Variants in FAM227B observed in about 807,000 individuals in gnomAD.
The protein encoded by FAM227B is family with sequence similarity 227 member B.
A neutral mutation model predicts 73.8 loss-of-function variants in FAM227B; 88 were observed. The observed-to-expected ratio is 1.19, with a 90% CI of 1.00 to 1.42. The LOEUF (loss-of-function observed/expected upper bound fraction) is 1.42, where lower values mean the gene tolerates loss of function less well. Among genes scored for constraint, FAM227B ranks in the 40% most tolerant of loss-of-function variants. The pLI, the probability that FAM227B is intolerant of heterozygous loss-of-function variation, is 0.00. For synonymous variants in FAM227B, 210 were observed against 190.5 expected, an observed-to-expected ratio of 1.10 and a Z score of -0.84; for missense variants, 632 against 590.9, an observed-to-expected ratio of 1.07 and a Z score of -0.72.
intron 8 of FAM227B, among the ~76,000 whole-genome samples, chr15:49,568,934 GA>G (rs1285519566): frequency 6.6e-6 from 1 of 151,896 alleles, no homozygotes; most frequent in African/African-American, 2.4e-5. Flanking sequence ...TCAACTTTTT[GA>G]AAGAGTTTCA....
intron 9 of FAM227B, among the ~76,000 whole-genome samples, chr15:49,546,735 G>A (rs544250203): frequency 0.011 from 1,227 of 108,498 alleles, 6 homozygotes; most frequent in Non-Finnish European, 0.018. Flanking sequence ...AAGTTTAGAG[G>A]AAAAAGAATA....
chr15:49,331,507 T>C, intron 15 of FAM227B: 1 of 383,692 alleles, frequency 2.6e-6, no homozygotes, highest in Non-Finnish European at 4.7e-6. Context: ...CAGTGATTAT[T>C]AGTTTGTAAT....
At chr15:49,356,490 CCATTA>C (rs2043193364) in intron 13 of FAM227B, among the ~76,000 whole-genome samples, 1 of 148,324 alleles carries the variant, frequency 6.7e-6, no homozygotes, top group African/African-American at 2.5e-5. Context: ...ACAAAGAAGG[CCATTA>C]CATAATGGTA....
chr15:49,603,199 T>C (rs971405856), intron 3 of FAM227B, among the ~76,000 whole-genome samples: 1 of 152,202 alleles, frequency 6.6e-6, no homozygotes, highest in African/African-American at 2.4e-5. Context: ...GGTATTTTGA[T>C]AGGGATTGCA....
intron 11 of FAM227B, among the ~76,000 whole-genome samples, chr15:49,441,850 GT>G (rs1177345231): frequency 4.0e-5 from 6 of 151,140 alleles, no homozygotes; most frequent in Non-Finnish European, 1.5e-5. Context: ...TGCATACAGT[GT>G]TTCTCAGTGG....
intron 14 of FAM227B, among the ~76,000 whole-genome samples, chr15:49,334,751 C>T (rs1328485446): frequency 6.6e-6 from 1 of 152,108 alleles, no homozygotes; most frequent in Non-Finnish European, 1.5e-5. Context: ...GCTCCTTGGA[C>T]AGCAGGAGGC....
rs374346862 is a variant in FAM227B, at chr15:49,346,313, G to A, written c.1272-10817C>T. Among the ~76,000 whole-genome samples, 23 of 152,258 alleles carry A rather than the reference G, an allele frequency of 1.5e-4. No individual in the cohort carries two copies. The East Asian group carries it at 4.3e-3, about 28-fold the overall frequency. ...CTCTACCCTCAGGTTGTGCTAACAC[G>A]ATTTTCTATACATATGTCCTACAAA... On this transcript the variant is annotated intron_variant, in intron 13 of 15. Coordinates refer to ENST00000299338, the MANE Select transcript of FAM227B (RefSeq NM_152647.3).
At chr15:49,582,988 G>A (rs1355818936) in intron 5 of FAM227B, among the ~76,000 whole-genome samples, 1 of 151,994 alleles carries the variant, frequency 6.6e-6, no homozygotes, top group Non-Finnish European at 1.5e-5. Flanking sequence ...GTGTTAAGAG[G>A]GAAATTTATA....
At chr15:49,554,475 G>A (rs536799882) in intron 9 of FAM227B, among the ~76,000 whole-genome samples, 13 of 152,278 alleles carry the variant, frequency 8.5e-5, no homozygotes, top group East Asian at 1.9e-4. Context: ...AGTTCTGACC[G>A]CTGGGATCCA....
At chr15:49,366,476 G>A (rs1158143925) in intron 13 of FAM227B, 2 of 1,092,752 alleles carry the variant, frequency 1.8e-6, no homozygotes, top group Non-Finnish European at 2.8e-6. Flanking sequence ...GCATAGTGGT[G>A]CGGAAGTCAG....
At chr15:49,608,999 T>C (rs1461606015) in intron 3 of FAM227B, among the ~76,000 whole-genome samples, 1 of 151,950 alleles carries the variant, frequency 6.6e-6, no homozygotes, top group African/African-American at 2.4e-5. Context: ...GGGAAGATAA[T>C]GTAGATTCCT....
At chr15:49,454,207 A>G (rs911188137) in intron 11 of FAM227B, among the ~76,000 whole-genome samples, 4 of 152,212 alleles carry the variant, frequency 2.6e-5, no homozygotes, top group Non-Finnish European at 5.9e-5. Flanking sequence ...CATCAGAAAT[A>G]CAGACTAAAT....
intron 11 of FAM227B, among the ~76,000 whole-genome samples, chr15:49,465,801 C>T (rs118078763): frequency 0.014 from 2,189 of 152,146 alleles, 23 homozygotes; most frequent in Non-Finnish European, 0.021. Flanking sequence ...CTTAGTTTTT[C>T]GACATTTAGT....
rs12440314 is a variant in FAM227B at position 49,385,742 on chromosome 15, C to G, written c.1013-14343G>C. Among the ~76,000 whole-genome samples the G allele has an allele frequency of 2.0e-5, 3 of 151,634 alleles. No homozygotes were observed. The East Asian group carries it at 5.8e-4, about 29-fold the overall frequency. The stretch of plus-strand genomic sequence containing the variant: ...GATAAAAAAATCACAATAGAAATAT[C>G]TACTTCAAGAGACTCACCTAACATG... On this transcript the variant is annotated intron_variant, in intron 11 of 15. Transcript: ENST00000299338.
chr15:49,464,819 C>T (rs1270495462), intron 11 of FAM227B, among the ~76,000 whole-genome samples: 1 of 152,128 alleles, frequency 6.6e-6, no homozygotes, highest in East Asian at 1.9e-4. Flanking sequence ...ATGCCATTCT[C>T]CTTGCTTAGC....
At position 49,374,282 on chromosome 15, in the gene FAM227B, A is replaced by C. The variant is rs137937067; in HGVS notation, c.1013-2883T>G. On this transcript the variant is annotated intron_variant, in intron 11 of 15. Transcript: ENST00000299338. The stretch of plus-strand genomic sequence containing the variant: ...AATGGTCAGAATTCCCGAGATTTTT[A>C]GTTGTTCCAATGAAGTCTAGGAAGG... Among the ~76,000 whole-genome samples the C allele has an allele frequency of 5.9e-5, 9 of 152,286 alleles. No individual in the cohort carries two copies. In the East Asian group the frequency reaches 1.7e-3, roughly 29 times the overall value.
chr15:49,528,905 A>G (rs2060406615), intron 10 of FAM227B, among the ~76,000 whole-genome samples: 1 of 151,770 alleles, frequency 6.6e-6, no homozygotes, highest in African/African-American at 2.4e-5. Context: ...TCCTATGGGA[A>G]AAAGCATGGA....
Position 49,610,420 on chromosome 15 carries a change from TAAAA to T in FAM227B, c.105+791_105+794del, listed in dbSNP as rs72044107. On this transcript the variant is annotated intron_variant, in intron 3 of 15. Coordinates refer to ENST00000299338, the MANE Select transcript of FAM227B (RefSeq NM_152647.3). Reference sequence around the variant, plus strand: ...CAATCCTTTCCCAAAACATTGAAAGTAAAAAAAAAAAAAAAAAAAAACTTGTCTA... The same window carrying T: ...CAATCCTTTCCCAAAACATTGAAAGTAAAAAAAAAAAAAAAAACTTGTCTA... Among the ~76,000 whole-genome samples the T allele has an allele frequency of 2.1e-4, 25 of 119,598 alleles. 1 individual carries two copies. Among genetic ancestry groups the T allele is most frequent in the African/African-American group, 6.7e-4 (22 of 32,902 alleles). 78.5% of individuals were successfully genotyped at this position (119,598 alleles called of 152,430 possible).
intron 11 of FAM227B, among the ~76,000 whole-genome samples, chr15:49,460,431 C>A (rs1185503503): frequency 6.6e-6 from 1 of 152,118 alleles, no homozygotes; most frequent in South Asian, 2.1e-4. Flanking sequence ...ATCTCTGATT[C>A]CACTGCAAAG....
Sources: allele counts gnomAD v4.1 joint callset (sites outside exome capture counted in the v4.1 genomes callset), GRCh38; gene constraint gnomAD v4.1.1; transcripts MANE v1.5; gene names NCBI Gene and HGNC (gene_info 2026-07-23, HGNC 2026-07-21).